The following KLHL36 variants were observed in gnomAD, a reference collection of about 807,000 sequenced individuals.
The protein encoded by KLHL36 is kelch-like protein 36.
KLHL36 carries 35 observed loss-of-function variants against 53.3 expected under a neutral mutation model. The observed-to-expected ratio is 0.66, with a 90% CI of 0.50 to 0.87. The LOEUF is 0.87. KLHL36 is among the 40% of genes least tolerant of loss of function. The pLI is 0.00. For synonymous variants in KLHL36, 472 were observed against 398.9 expected (o/e 1.18, Z -2.18); for missense variants, 864 against 897.6 (o/e 0.96, Z 0.48).
At chr16:84,652,075 T>C (rs1906919000) in intron 2 of KLHL36, among the ~76,000 whole-genome samples, 1 of 152,166 alleles carries the variant, frequency 6.6e-6, no homozygotes, top group African/African-American at 2.4e-5. Context: ...CCCAGCTTTA[T>C]CGATTGTGAA....
At position 84,667,666 on chromosome 16, in the gene KLHL36, T is replaced by C. The variant is rs536438138; in HGVS notation, c.*5533T>C. 6.6e-6 allele frequency: 1 copy of C among 152,340 alleles called. No individual in the cohort carries two copies. Among genetic ancestry groups the C allele is most frequent in the East Asian group, 1.9e-4 (1 of 5,192 alleles). The allele number at this position is 152,340 out of a possible 1,614,324, so 9.4% of individuals were successfully genotyped here. ...AAAAGAACCCCTTGCCTGTTGATCC[T>C]AAATATAATTTGGAAATTAACCAGA... On this transcript the variant is annotated 3_prime_UTR_variant, in exon 5 of 5. Transcript: ENST00000564996.
Position 84,661,496 on chromosome 16 carries a change from G to A in KLHL36, c.1296-82G>A, listed in dbSNP as rs1006834449. ...TTAAATCCTCATGGCCCTCTAAGACGGCAGGCTGTTCCCCGGCTCGGAGGG... is the reference window on the plus strand; with the variant it reads ...TTAAATCCTCATGGCCCTCTAAGACAGCAGGCTGTTCCCCGGCTCGGAGGG... On this transcript the variant is annotated intron_variant, in intron 4 of 4. Transcript: ENST00000564996. The surrounding 1 kb of genome is among the most constrained non-coding windows in gnomAD (Gnocchi z 7.9). 7.2e-6 allele frequency: 10 copies of A among 1,383,406 alleles called. No homozygotes were observed. Among genetic ancestry groups the A allele is most frequent in the African/African-American group, 5.8e-5 (4 of 68,936 alleles). The allele number at this position is 1,383,406 out of a possible 1,614,324, so 85.7% of individuals were successfully genotyped here. A position where few individuals can be genotyped will look rare whatever the true frequency, so the allele number is the denominator to read the frequency against.
intron 2 of KLHL36, among the ~76,000 whole-genome samples, chr16:84,652,997 C>A (rs866667011): frequency 1.5e-4 from 23 of 152,236 alleles, no homozygotes; most frequent in Admixed American, 1.3e-3. Flanking sequence ...GCGGGAGGAT[C>A]TCGTAAGCTC....
chr16:84,656,886 G>C lies in KLHL36; in HGVS notation c.79G>C (p.Asp27His), dbSNP rs766175860. 6.2e-7 allele frequency: 1 copy of C among 1,608,456 alleles called. No individual in the cohort carries two copies. Among genetic ancestry groups the C allele is most frequent in the East Asian group, 2.2e-5 (1 of 44,762 alleles). The change falls in exon 3 of 5, where the codon GAC (aspartate) becomes CAC (histidine). Residue 27 changes from aspartate to histidine, a missense_variant. Physicochemically the swap from Asp to His is moderately conservative, Grantham distance 81. Coordinates refer to ENST00000564996, the MANE Select transcript of KLHL36 (RefSeq NM_024731.4). ...SESSKVYRWA[D>H]HSSTVLQRLN... ...CTCTGTCCAGGTATACCGCTGGGCC[G>C]ACCACTCAAGCACGGTGCTGCAGCG...
chr16:84,661,104 C>T lies in KLHL36; in HGVS notation c.1296-474C>T, dbSNP rs1442381202. 1.3e-5 allele frequency among the ~76,000 whole-genome samples: 2 copies of T among 152,222 alleles called. No homozygotes were observed. The highest frequency in any genetic ancestry group is 6.5e-5 in the Admixed American group (1 of 15,288). On this transcript the variant is annotated intron_variant, in intron 4 of 4. Coordinates refer to ENST00000564996, the MANE Select transcript of KLHL36 (RefSeq NM_024731.4). This position sits in a 1 kb window ranked among gnomAD's most constrained non-coding sequence, Gnocchi z 7.9. ...TGCTGTCCATCCCTCCCTCCCCTCT[C>T]CCCACAGTCCTGGCAGCCACTGATT... is the stretch of plus-strand genomic sequence containing the variant.
chr16:84,661,588 G>C lies in KLHL36; in HGVS notation c.1306G>C (p.Gly436Arg). ...CCGTCGACCCTGCAGGTTCACGTAC[G>C]GCCACGCGGGCACCATCTACAAAGA... ...YVAGLPRFTY[G>R]HAGTIYKDFV... Residue 436 changes from glycine (G) to arginine (R), a missense_variant, in exon 5 of 5, where the codon GGC becomes CGC. Coordinates refer to ENST00000564996, the MANE Select transcript of KLHL36 (RefSeq NM_024731.4). This position sits in a 1 kb window ranked among gnomAD's most constrained non-coding sequence, Gnocchi z 7.9. 6.3e-7 allele frequency: 1 copy of C among 1,587,858 alleles called. No individual in the cohort carries two copies. Among genetic ancestry groups the C allele is most frequent in the Non-Finnish European group, 8.6e-7 (1 of 1,162,694 alleles).
At position 84,667,143 on chromosome 16, in the gene KLHL36, G is replaced by A. The variant is rs577845870; in HGVS notation, c.*5010G>A. 4.0e-5 allele frequency: 6 copies of A among 151,358 alleles called. No individual in the cohort carries two copies. The highest frequency in any genetic ancestry group is 7.4e-5 in the Non-Finnish European group (5 of 67,630). 9.4% of individuals were successfully genotyped at this position (151,358 alleles called of 1,614,324 possible). A position where few individuals can be genotyped will look rare whatever the true frequency, so the allele number is the denominator to read the frequency against. On this transcript the variant is annotated 3_prime_UTR_variant, in exon 5 of 5. Coordinates refer to ENST00000564996, the MANE Select transcript of KLHL36 (RefSeq NM_024731.4). ...GAATGAATGTACACATTTCGGTAGT[G>A]GGGGGGCAGAGCGGATAACCCCTTC...
rs368922839 is a variant in KLHL36, at chr16:84,650,262, G to A, written c.-16-590G>A. On this transcript the variant is annotated intron_variant, in intron 1 of 4. Transcript: ENST00000564996. ...TACTGTGTACATGGTAGTCATCACT[G>A]TACCACATCCTCATCTGCATCATGA... 3.0e-4 allele frequency among the ~76,000 whole-genome samples: 45 copies of A among 152,282 alleles called. No individual in the cohort carries two copies. The East Asian group carries it at 3.5e-3, about 12-fold the overall frequency.
Position 84,662,306 on chromosome 16 carries a change from C to G in KLHL36, c.*173C>G. ...GTAACCAATTAAATACTATCTGTAA[C>G]TTTACATATCTTGCTTGAATAACTA... is the stretch of plus-strand genomic sequence containing the variant. On this transcript the variant is annotated 3_prime_UTR_variant, in exon 5 of 5. Transcript: ENST00000564996. The G allele has an allele frequency of 1.6e-6, 1 of 625,644 alleles. No homozygotes were observed. The highest frequency in any genetic ancestry group is 2.7e-6 in the Non-Finnish European group (1 of 376,442). The allele number at this position is 625,644 out of a possible 1,614,324, so 38.8% of individuals were successfully genotyped here.
rs972630134 is a variant in KLHL36 at position 84,658,002 on chromosome 16, C to G, written c.1137+58C>G. Reference sequence around the variant, plus strand: ...TGAGGACTCTCTCGGTTTCCTTAACCTAGCCTTGACTTTCCTTACCTCTCT... The same window carrying G: ...TGAGGACTCTCTCGGTTTCCTTAACGTAGCCTTGACTTTCCTTACCTCTCT... On this transcript the variant is annotated intron_variant, in intron 3 of 4. Transcript: ENST00000564996. 54 of 1,277,010 alleles carry G rather than the reference C, an allele frequency of 4.2e-5. No individual in the cohort carries two copies. The Middle Eastern group carries it at 8.1e-4, about 19-fold the overall frequency. The allele number at this position is 1,277,010 out of a possible 1,614,324, so 79.1% of individuals were successfully genotyped here. A position where few individuals can be genotyped will look rare whatever the true frequency, so the allele number is the denominator to read the frequency against.
chr16:84,657,767 C>G lies in KLHL36; in HGVS notation c.960C>G (p.Ala320=). 6.2e-7 allele frequency: 1 copy of G among 1,611,214 alleles called. No homozygotes were observed. Among genetic ancestry groups the G allele is most frequent in the Non-Finnish European group, 8.5e-7 (1 of 1,178,960 alleles). The change falls in exon 3 of 5, where the codon GCC becomes GCG. Residue 320 remains alanine (A), a synonymous_variant. Transcript: ENST00000564996. The part of the protein sequence containing the change: ...ELSDDTCYLD[A]KSEQWVKETP... ...GTGACGACACCTGCTACCTGGACGC[C>G]AAGAGCGAGCAGTGGGTCAAAGAGA...
chr16:84,651,127 G>C (rs965322339), intron 2 of KLHL36, among the ~76,000 whole-genome samples, 197 bp downstream of exon 2: 1 of 152,152 alleles, frequency 6.6e-6, no homozygotes, highest in African/African-American at 2.4e-5. Context: ...AGGGATGGTA[G>C]AGACGCTATG....
At chr16:84,649,882 CAG>C (rs370252550) in intron 1 of KLHL36, among the ~76,000 whole-genome samples, 190 of 152,336 alleles carry the variant, frequency 1.2e-3, no homozygotes, top group African/African-American at 4.3e-3. Context: ...ACCTTCGTCT[CAG>C]TATGTGACTT....
intron 2 of KLHL36, among the ~76,000 whole-genome samples, chr16:84,652,305 C>CT (rs1346314587): frequency 6.6e-6 from 1 of 151,484 alleles, no homozygotes; most frequent in African/African-American, 2.4e-5. Context: ...GGGTCTTGCT[C>CT]TGTCACTTAG....
At chr16:84,649,926 T>A (rs1170278013) in intron 1 of KLHL36, among the ~76,000 whole-genome samples, 2 of 152,230 alleles carry the variant, frequency 1.3e-5, no homozygotes, top group Non-Finnish European at 2.9e-5. Flanking sequence ...GTCCCTTCTC[T>A]GTGTTCCCTT....
At chr16:84,650,543 C>A (rs557044367) in intron 1 of KLHL36, among the ~76,000 whole-genome samples, 6 of 151,894 alleles carry the variant, frequency 4.0e-5, no homozygotes, top group African/African-American at 1.5e-4. Context: ...GTCTGGGCTC[C>A]GAAATGATAA....
rs928698949 is a variant in KLHL36, at chr16:84,662,397, C to T, written c.*264C>T. 9.0e-6 allele frequency: 3 copies of T among 334,832 alleles called. No homozygotes were observed. Among genetic ancestry groups the T allele is most frequent in the African/African-American group, 6.2e-5 (3 of 48,600 alleles). 20.7% of individuals were successfully genotyped at this position (334,832 alleles called of 1,614,324 possible). ...AGGTCTTTGCCCCGTGTTATGATTCCTCATGGGTCCTTGCTGACTGTCCCC... is the reference window on the plus strand; with the variant it reads ...AGGTCTTTGCCCCGTGTTATGATTCTTCATGGGTCCTTGCTGACTGTCCCC... On this transcript the variant is annotated 3_prime_UTR_variant, in exon 5 of 5. Transcript: ENST00000564996.
In KLHL36 at chr16:84,648,713, C is replaced by G. The variant is rs1029322771; in HGVS notation, c.-17+64C>G. 1 of 143,674 alleles carries G rather than the reference C, an allele frequency of 7.0e-6. No homozygotes were observed. The highest frequency in any genetic ancestry group is 1.5e-5 in the Non-Finnish European group (1 of 64,770). The allele number at this position is 143,674 out of a possible 1,614,324, so 8.9% of individuals were successfully genotyped here. Reference sequence around the variant, plus strand: ...GCCAGGAAGCCGCGCCCGGCCGGGGCGGGGAGCTGGCGGAGATCGGGAGGG... The same window carrying G: ...GCCAGGAAGCCGCGCCCGGCCGGGGGGGGGAGCTGGCGGAGATCGGGAGGG... On this transcript the variant is annotated intron_variant, in intron 1 of 4. Coordinates refer to ENST00000564996, the MANE Select transcript of KLHL36 (RefSeq NM_024731.4). This position sits in a 1 kb window ranked among gnomAD's most constrained non-coding sequence, Gnocchi z 4.9.
At chr16:84,652,181 T>G (rs1468127304) in intron 2 of KLHL36, among the ~76,000 whole-genome samples, 1 of 152,202 alleles carries the variant, frequency 6.6e-6, no homozygotes, top group African/African-American at 2.4e-5. Context: ...GCACTGGAAG[T>G]CTTTGTCCAT....
Sources: allele counts gnomAD v4.1 joint callset (sites outside exome capture counted in the v4.1 genomes callset), GRCh38; gene constraint gnomAD v4.1.1; non-coding constraint Gnocchi (gnomAD v3.1); transcripts MANE v1.5; gene names NCBI Gene and HGNC (gene_info 2026-07-23, HGNC 2026-07-21).